The following TMEM217B variants were observed in gnomAD, a reference collection of about 807,000 sequenced individuals.
The protein encoded by TMEM217B is putative transmembrane protein 217B.
At chr6:37,240,758 A>T in the TMEM217B span, among the ~76,000 whole-genome samples, 53 of 148,756 alleles carry the variant, frequency 3.6e-4, 1 homozygote, top group East Asian at 1.9e-4. Context: ...AAATAAATTT[A>T]AAAAAAGACA....
chr6:37,258,054 G>A, the TMEM217B span: 1 of 1,498,012 alleles, frequency 6.7e-7, no homozygotes, highest in Non-Finnish European at 9.1e-7. Flanking sequence ...CGGGCCTGGG[G>A]CGCCACAGAG....
chr6:37,213,038 A>C, the TMEM217B span: 1 of 1,352,498 alleles, frequency 7.4e-7, no homozygotes, highest in Non-Finnish European at 1.0e-6. Context: ...AAGATGGCAG[A>C]GGTAGCCTTA....
chr6:37,229,007 C>CA, the TMEM217B span, among the ~76,000 whole-genome samples: 1 of 150,756 alleles, frequency 6.6e-6, no homozygotes, highest in Non-Finnish European at 1.5e-5. Flanking sequence ...AAAAAAAAAA[C>CA]AAAAAACAAA....
the TMEM217B span, among the ~76,000 whole-genome samples, chr6:37,242,453 CA>C: frequency 1.3e-5 from 2 of 152,142 alleles, no homozygotes; most frequent in East Asian, 3.8e-4. Flanking sequence ...CTAGATTTTC[CA>C]AAACAAAAGT....
the TMEM217B span, among the ~76,000 whole-genome samples, chr6:37,251,057 A>G: frequency 1.3e-5 from 2 of 152,258 alleles, no homozygotes; most frequent in Admixed American, 1.3e-4. Context: ...AGCAGGTGTT[A>G]TCTATGAACC....
At chr6:37,215,538 T>C in the TMEM217B span, among the ~76,000 whole-genome samples, 7 of 112,356 alleles carry the variant, frequency 6.2e-5, no homozygotes, top group South Asian at 1.2e-3. Context: ...ACCACTGTAC[T>C]CCAGCCTGGG....
chr6:37,256,474 T>C, the TMEM217B span, among the ~76,000 whole-genome samples: 1 of 152,078 alleles, frequency 6.6e-6, no homozygotes, highest in Non-Finnish European at 1.5e-5. Context: ...ATTAAAAGAA[T>C]AGAGGGGCTT....
chr6:37,224,081 C>A, the TMEM217B span, among the ~76,000 whole-genome samples: 3 of 151,448 alleles, frequency 2.0e-5, no homozygotes. Flanking sequence ...GGACTACAGG[C>A]GCCCACCACC....
the TMEM217B span, among the ~76,000 whole-genome samples, chr6:37,255,194 G>T: frequency 6.6e-6 from 1 of 152,150 alleles, no homozygotes; most frequent in East Asian, 1.9e-4. Flanking sequence ...GAAAAATAGA[G>T]CCAGGCAATA....
the TMEM217B span, among the ~76,000 whole-genome samples, chr6:37,234,728 T>A: frequency 2.6e-5 from 4 of 151,654 alleles, no homozygotes; most frequent in Admixed American, 2.0e-4. Context: ...AGAGTGAGAC[T>A]CCATCTCAAA....
At chr6:37,213,063 G>A in the TMEM217B span, 1 of 1,049,808 alleles carries the variant, frequency 9.5e-7, no homozygotes, top group Non-Finnish European at 1.4e-6. Flanking sequence ...AATCCCCCAA[G>A]TCACTAGATA....
chr6:37,249,454 G>T, the TMEM217B span, among the ~76,000 whole-genome samples: 1 of 152,022 alleles, frequency 6.6e-6, no homozygotes, highest in Non-Finnish European at 1.5e-5. Context: ...CAAGTAGCTG[G>T]GACTATAGAC....
At chr6:37,212,923 A>G in the TMEM217B span, 1 of 1,550,116 alleles carries the variant, frequency 6.5e-7, no homozygotes, top group Non-Finnish European at 8.7e-7. Flanking sequence ...GGTGGTATTA[A>G]GGACAGAGAA....
the TMEM217B span, among the ~76,000 whole-genome samples, chr6:37,256,256 G>A: frequency 1.3e-5 from 2 of 152,176 alleles, no homozygotes; most frequent in Admixed American, 1.3e-4. Flanking sequence ...TGCCACCAAG[G>A]TAAGGAATCT....
chr6:37,231,572 C>T, the TMEM217B span, among the ~76,000 whole-genome samples: 1 of 148,308 alleles, frequency 6.7e-6, no homozygotes, highest in Non-Finnish European at 1.5e-5. Flanking sequence ...ATTCGGGAGG[C>T]TGAGGCAGGA....
At chr6:37,257,916 C>G in the TMEM217B span, 1 of 1,613,716 alleles carries the variant, frequency 6.2e-7, no homozygotes, top group Non-Finnish European at 8.5e-7. Context: ...CCGGCCAGAG[C>G]AATGGCCGCT....
chr6:37,245,121 C>A, the TMEM217B span, among the ~76,000 whole-genome samples: 1 of 152,196 alleles, frequency 6.6e-6, no homozygotes, highest in Non-Finnish European at 1.5e-5. Context: ...TGAGCCCAGT[C>A]AGAATGAGGA....
the TMEM217B span, among the ~76,000 whole-genome samples, chr6:37,216,028 T>TGAGA: frequency 2.8e-4 from 32 of 116,156 alleles, no homozygotes; most frequent in Non-Finnish European, 4.7e-4. Context: ...TGTGTGTGTG[T>TGAGA]GTGTGAGAAA....
the TMEM217B span, among the ~76,000 whole-genome samples, chr6:37,234,700 C>T: frequency 7.2e-5 from 11 of 152,084 alleles, no homozygotes; most frequent in Middle Eastern, 3.4e-3. Context: ...GGTGCCACTG[C>T]ACTCCAGCCT....
Sources: allele counts gnomAD v4.1 joint callset (sites outside exome capture counted in the v4.1 genomes callset), GRCh38; gene constraint gnomAD v4.1.1; transcripts MANE v1.5; gene names NCBI Gene and HGNC (gene_info 2026-07-23, HGNC 2026-07-21).